ASCC3: variants seen among roughly 807,000 people sequenced by gnomAD.
ASCC3 encodes the protein ASC-1 complex subunit P200.
A neutral mutation model predicts 256.3 loss-of-function variants in ASCC3; 158 were observed. That is an observed-to-expected ratio of 0.62 (90% CI 0.54 to 0.70). ASCC3 has a LOEUF of 0.70. Ranked by LOEUF, ASCC3 falls within the 30% of genes least tolerant of loss-of-function variation. The pLI is 0.00. For synonymous variants in ASCC3, 948 were observed against 883.4 expected, an observed-to-expected ratio of 1.07 and a Z score of -1.30; for missense variants, 2,259 against 2,626.0, an observed-to-expected ratio of 0.86 and a Z score of 3.05.
chr6:100,880,843 C>G (rs976618150), intron 1 of ASCC3, among the ~76,000 whole-genome samples: 10 of 152,220 alleles, frequency 6.6e-5, no homozygotes, highest in African/African-American at 2.2e-4. Context: ...TTTCTATCCC[C>G]AACCCCACCT....
intron 8 of ASCC3, among the ~76,000 whole-genome samples, chr6:100,768,577 C>G (rs567144376): frequency 6.6e-6 from 1 of 152,056 alleles, no homozygotes; most frequent in South Asian, 2.1e-4. Context: ...CTTCAAAATA[C>G]ATGAAGTAAA....
intron 10 of ASCC3, among the ~76,000 whole-genome samples, chr6:100,758,553 G>A (rs1450442614): frequency 1.3e-5 from 2 of 152,164 alleles, no homozygotes; most frequent in Non-Finnish European, 2.9e-5. Context: ...CCATGTCCCT[G>A]CAAAGGACAT....
At chr6:100,558,971 T>C (rs1294277661) in intron 36 of ASCC3, among the ~76,000 whole-genome samples, 2 of 152,176 alleles carry the variant, frequency 1.3e-5, no homozygotes, top group African/African-American at 4.8e-5. Context: ...ACATTGAGAA[T>C]TGAGTATTGA....
At chr6:100,568,868 C>T (rs1010457174) in intron 36 of ASCC3, among the ~76,000 whole-genome samples, 1 of 151,382 alleles carries the variant, frequency 6.6e-6, no homozygotes, top group African/African-American at 2.4e-5. Context: ...AGCTCCTCTT[C>T]CCAGGTTCAT....
At chr6:100,643,957 A>C in intron 23 of ASCC3, 74 bp downstream of exon 23, 1 of 1,005,722 alleles carries the variant, frequency 9.9e-7, no homozygotes, top group Non-Finnish European at 1.5e-6. Context: ...ATTACAGAGA[A>C]ATAAAAGCAG....
intron 25 of ASCC3, among the ~76,000 whole-genome samples, chr6:100,636,825 A>AG (rs2114879470): frequency 6.6e-6 from 1 of 152,336 alleles, no homozygotes; most frequent in South Asian, 2.1e-4. Context: ...AGCCTACTCT[A>AG]GAGCAAGCCC....
chr6:100,827,821 A>G (rs979938418), intron 4 of ASCC3, among the ~76,000 whole-genome samples: 3 of 152,074 alleles, frequency 2.0e-5, no homozygotes, highest in Admixed American at 2.0e-4. Context: ...TACAAACCAG[A>G]TTTTATCATT....
At chr6:100,801,358 T>C (rs781329615) in intron 5 of ASCC3, among the ~76,000 whole-genome samples, 2 of 152,110 alleles carry the variant, frequency 1.3e-5, no homozygotes, top group African/African-American at 2.4e-5. Context: ...AGGAGGACAA[T>C]GAAGAATGAG....
intron 13 of ASCC3, among the ~76,000 whole-genome samples, chr6:100,712,868 C>T (rs1026661994): frequency 5.7e-4 from 86 of 149,594 alleles, no homozygotes; most frequent in African/African-American, 2.0e-3. Context: ...CGCCATTCTC[C>T]TGCCTCAGGC....
rs1032308463 is a variant in ASCC3, at chr6:100,772,116, C to T, written c.1396-4771G>A. Among the ~76,000 whole-genome samples, 8 of 152,016 alleles carry T rather than the reference C, an allele frequency of 5.3e-5. No individual in the cohort carries two copies. In the South Asian group the frequency reaches 6.2e-4, roughly 12 times the overall value. On this transcript the variant is annotated intron_variant, in intron 8 of 41. Transcript: ENST00000369162. Reference sequence around the variant, plus strand: ...CAGGATGGTCTAGATTTACTGACCTCGTGATCCACCCGCCTCAGCCTCCCA... The same window carrying T: ...CAGGATGGTCTAGATTTACTGACCTTGTGATCCACCCGCCTCAGCCTCCCA...
At chr6:100,813,078 G>T (rs1770558411) in intron 4 of ASCC3, among the ~76,000 whole-genome samples, 1 of 152,016 alleles carries the variant, frequency 6.6e-6, no homozygotes, top group African/African-American at 2.4e-5. Flanking sequence ...CCAAAGGAAA[G>T]AAAAGAGCAA....
intron 13 of ASCC3, among the ~76,000 whole-genome samples, chr6:100,713,934 A>T (rs1482680896): frequency 6.6e-6 from 1 of 152,222 alleles, no homozygotes; most frequent in Non-Finnish European, 1.5e-5. Context: ...AGAAGGCTAT[A>T]CGGGACATTC....
At chr6:100,611,557 A>C (rs1290243337) in intron 30 of ASCC3, among the ~76,000 whole-genome samples, 2 of 152,106 alleles carry the variant, frequency 1.3e-5, no homozygotes, top group Non-Finnish European at 2.9e-5. Flanking sequence ...TTATCACTTT[A>C]CAAAGATTAT....
At chr6:100,850,797 T>C (rs970129045) in intron 3 of ASCC3, among the ~76,000 whole-genome samples, 4 of 152,158 alleles carry the variant, frequency 2.6e-5, no homozygotes, top group East Asian at 1.9e-4. Context: ...ATTAATTCAA[T>C]AGCATTTATA....
At chr6:100,561,813 A>T (rs1321444264) in intron 36 of ASCC3, among the ~76,000 whole-genome samples, 2 of 152,112 alleles carry the variant, frequency 1.3e-5, no homozygotes, top group African/African-American at 4.8e-5. Flanking sequence ...TAAATAACAG[A>T]AAATACTTAA....
At chr6:100,847,996 T>C (rs1582956017) in intron 4 of ASCC3, 152 bp downstream of exon 4, 4 of 698,008 alleles carry the variant, frequency 5.7e-6, no homozygotes, top group African/African-American at 1.8e-5. Flanking sequence ...GGAACGTATA[T>C]ACAGGCCTGC....
Position 100,608,392 on chromosome 6 carries a change from GTATACCTTATATATA to G in ASCC3, c.4786-1319_4786-1305del, listed in dbSNP as rs1350230380. Among the ~76,000 whole-genome samples the G allele has an allele frequency of 2.0e-3, 49 of 24,136 alleles. 2 individuals are homozygous for G. The highest frequency in any genetic ancestry group is 3.3e-3 in the Non-Finnish European group (47 of 14,162). 15.8% of individuals were successfully genotyped at this position (24,136 alleles called of 152,430 possible). A position where few individuals can be genotyped will look rare whatever the true frequency, so the allele number is the denominator to read the frequency against. On this transcript the variant is annotated intron_variant, in intron 30 of 41. Coordinates refer to ENST00000369162, the MANE Select transcript of ASCC3 (RefSeq NM_006828.4). The stretch of plus-strand genomic sequence containing the variant: ...TACCTTATATATATACCTTATATAT[GTATACCTTATATATA>G]TATACCTTATATATATTTTATATAT...
At chr6:100,799,409 T>G (rs1354732743) in intron 7 of ASCC3, 22 bp downstream of exon 7, 1 of 1,609,274 alleles carries the variant, frequency 6.2e-7, no homozygotes, top group East Asian at 2.2e-5. Flanking sequence ...TATTGAACAG[T>G]AGTTATATAA....
chr6:100,809,263 T>G (rs1770341661), intron 4 of ASCC3, among the ~76,000 whole-genome samples: 1 of 152,074 alleles, frequency 6.6e-6, no homozygotes, highest in South Asian at 2.1e-4. Context: ...TTTGACTCTT[T>G]TATAACAATA....
Sources: gnomAD v4.1 joint callset for allele counts (sites outside exome capture counted in the v4.1 genomes callset) on GRCh38, gnomAD v4.1.1 for gene constraint, MANE v1.5 for transcripts, NCBI Gene and HGNC (gene_info 2026-07-23, HGNC 2026-07-21) for gene names.